VPS72: variants seen among roughly 807,000 people sequenced by gnomAD.
VPS72 encodes vacuolar protein sorting 72 homolog, also known as vacuolar protein sorting-associated protein 72 homolog.
A neutral mutation model predicts 38.9 loss-of-function variants in VPS72; 27 were observed. The observed-to-expected ratio is 0.69, with a 90% CI of 0.51 to 0.96. The LOEUF is 0.96. Ranked by LOEUF, VPS72 falls within the 40% of genes least tolerant of loss-of-function variation. The pLI, the probability that VPS72 is intolerant of heterozygous loss-of-function variation, is 0.00. For missense variants in VPS72, 360 were observed against 479.5 expected (o/e 0.75, Z 2.33); for synonymous variants, 173 against 186.3 (o/e 0.93, Z 0.58).
At chr1:151,184,568 T>A in intron 3 of VPS72, 75 bp from the exon 4 acceptor site, 1 of 1,417,700 alleles carries the variant, frequency 7.1e-7, no homozygotes, top group Non-Finnish European at 9.3e-7. Context: ...TGAAATGTTG[T>A]ACTTGGAAAT....
chr1:151,190,190 A>C lies in VPS72; in HGVS notation c.-69T>G. 6.4e-7 allele frequency: 1 copy of C among 1,553,432 alleles called. No homozygotes were observed. The highest frequency in any genetic ancestry group is 8.8e-7 in the Non-Finnish European group (1 of 1,134,666). On this transcript the variant is annotated 5_prime_UTR_variant, in exon 1 of 6. Coordinates refer to ENST00000368892, the MANE Select transcript of VPS72 (RefSeq NM_005997.3). ...CTCGGTTTTGGGAGCTCGACGCTCG[A>C]CATCACTACCTGCGGGTGGCCACCA...
intron 1 of VPS72, among the ~76,000 whole-genome samples, chr1:151,188,758 C>G (rs587628854): frequency 6.6e-6 from 1 of 152,348 alleles, no homozygotes; most frequent in South Asian, 2.1e-4. Context: ...CCAGGGATGC[C>G]TATCCTGATC....
At chr1:151,178,544 G>A (rs1684166243) in intron 4 of VPS72, among the ~76,000 whole-genome samples, 1 of 152,048 alleles carries the variant, frequency 6.6e-6, no homozygotes, top group Admixed American at 6.6e-5. Flanking sequence ...TGGAAGGATC[G>A]CTTGAGCCAG....
intron 4 of VPS72, among the ~76,000 whole-genome samples, chr1:151,179,970 T>C (rs183015638): frequency 5.9e-5 from 9 of 152,258 alleles, no homozygotes; most frequent in Admixed American, 1.3e-4. Context: ...TCCAGATTTC[T>C]GTGTCCTTAA....
At chr1:151,182,096 C>T (rs1331649824) in intron 4 of VPS72, among the ~76,000 whole-genome samples, 2 of 152,128 alleles carry the variant, frequency 1.3e-5, no homozygotes, top group African/African-American at 2.4e-5. Flanking sequence ...GGCACGATCT[C>T]GGCTCACCGC....
chr1:151,180,130 T>C (rs113356050), intron 4 of VPS72, among the ~76,000 whole-genome samples: 2,623 of 151,776 alleles, frequency 0.017, 64 homozygotes, highest in African/African-American at 0.049. Context: ...ACAGACCTGG[T>C]CAACATGGTG....
chr1:151,189,168 G>A (rs1684409902), intron 1 of VPS72, among the ~76,000 whole-genome samples: 1 of 152,166 alleles, frequency 6.6e-6, no homozygotes, highest in African/African-American at 2.4e-5. Context: ...TATTTTAACT[G>A]TTAACCCAGG....
In VPS72 at chr1:151,178,160, G is replaced by A; in HGVS notation, c.563-15C>T. ...CTCATATGTCTCTTTAGGGTCAAAG[G>A]AAGAAATGAGGGGATGATCAGAATG... On this transcript the variant is annotated splice_polypyrimidine_tract_variant and intron_variant, in intron 4 of 5. Transcript: ENST00000368892. 1 of 1,612,320 alleles carries A rather than the reference G, an allele frequency of 6.2e-7. No homozygotes were observed. Among genetic ancestry groups the A allele is most frequent in the Non-Finnish European group, 8.5e-7 (1 of 1,179,708 alleles).
intron 4 of VPS72, among the ~76,000 whole-genome samples, chr1:151,179,974 T>C (rs1187488696): frequency 6.6e-6 from 1 of 152,092 alleles, no homozygotes; most frequent in East Asian, 1.9e-4. Flanking sequence ...GATTTCTGTG[T>C]CCTTAAATAT....
chr1:151,177,926 A>C, intron 5 of VPS72, 75 bp downstream of exon 5: 1 of 1,539,440 alleles, frequency 6.5e-7, no homozygotes, highest in Admixed American at 1.9e-5. Flanking sequence ...GAGCTGTGTG[A>C]GAAAAGCAAG....
At chr1:151,177,124 C>T (rs1047166515) in intron 5 of VPS72, 93 bp from the exon 6 acceptor site, 7 of 1,369,440 alleles carry the variant, frequency 5.1e-6, no homozygotes, top group South Asian at 3.3e-5. Context: ...CAGTGGCTCA[C>T]ACCTGTAATT....
At chr1:151,189,589 T>C (rs1684419046) in intron 1 of VPS72, among the ~76,000 whole-genome samples, 1 of 152,208 alleles carries the variant, frequency 6.6e-6, no homozygotes, top group South Asian at 2.1e-4. Context: ...CCTCTACTTT[T>C]GGAGCGGTTC....
chr1:151,189,698 A>G (rs1684421967), intron 1 of VPS72, among the ~76,000 whole-genome samples: 1 of 152,144 alleles, frequency 6.6e-6, no homozygotes, highest in South Asian at 2.1e-4. Flanking sequence ...GCTGGACGTC[A>G]GAAGTACAGT....
At chr1:151,186,380 G>A (rs1322235664) in intron 1 of VPS72, among the ~76,000 whole-genome samples, 3 of 152,006 alleles carry the variant, frequency 2.0e-5, no homozygotes, top group African/African-American at 7.3e-5. Flanking sequence ...CCAACATGGT[G>A]AAACTCTGTC....
rs369362048 is a variant in VPS72 at position 151,185,269 on chromosome 1, G to A, written c.385+237C>T. ...GCCTCCCAAGTAGCTGGGATTACAG[G>A]GGCCCACCACCACACCTGGTTAATT... On this transcript the variant is annotated intron_variant, in intron 3 of 5. Transcript: ENST00000368892. Among the ~76,000 whole-genome samples the A allele has an allele frequency of 9.9e-5, 15 of 152,140 alleles. No homozygotes were observed. The East Asian group carries it at 2.1e-3, about 22-fold the overall frequency.
Position 151,189,426 on chromosome 1 carries a change from A to G in VPS72, c.117+579T>C, listed in dbSNP as rs1197853580. ...GTTTACAATGCAATAGAAAAGCATA[A>G]GCAAGTAAGCAAACCAAATCTAATT... On this transcript the variant is annotated intron_variant, in intron 1 of 5. Coordinates refer to ENST00000368892, the MANE Select transcript of VPS72 (RefSeq NM_005997.3). 2.0e-5 allele frequency among the ~76,000 whole-genome samples: 3 copies of G among 152,352 alleles called. No homozygotes were observed. In the East Asian group the frequency reaches 5.8e-4, roughly 29 times the overall value.
intron 4 of VPS72, among the ~76,000 whole-genome samples, chr1:151,181,246 CTTTT>C (rs60085121): frequency 7.4e-6 from 1 of 136,020 alleles, no homozygotes; most frequent in African/African-American, 2.8e-5. Context: ...TGTCACTTTA[CTTTT>C]TTTTTTTTTT....
intron 4 of VPS72, among the ~76,000 whole-genome samples, chr1:151,182,090 C>T (rs770755326): frequency 2.6e-5 from 4 of 152,030 alleles, no homozygotes; most frequent in Non-Finnish European, 4.4e-5. Context: ...TGCAATGGCA[C>T]GATCTCGGCT....
chr1:151,178,234 T>A, intron 4 of VPS72, 89 bp from the exon 5 acceptor site: 1 of 1,454,444 alleles, frequency 6.9e-7, no homozygotes. Flanking sequence ...TCAATTATCT[T>A]CCTGGCTATC....
Sources: allele counts gnomAD v4.1 joint callset (sites outside exome capture counted in the v4.1 genomes callset), GRCh38; gene constraint gnomAD v4.1.1; transcripts MANE v1.5; gene names NCBI Gene and HGNC (gene_info 2026-07-23, HGNC 2026-07-21).